The following FHIP2A variants were observed in gnomAD, a reference collection of about 807,000 sequenced individuals.
FHIP2A encodes the protein family with sequence similarity 160 member B1.
In FHIP2A, 46 loss-of-function variants were observed where a neutral mutation model predicts 93.5. The observed-to-expected ratio is 0.49, with a 90% CI of 0.39 to 0.63. The LOEUF (loss-of-function observed/expected upper bound fraction) is 0.63, where lower values mean the gene tolerates loss of function less well. Ranked by LOEUF, FHIP2A falls within the 20% of genes least tolerant of loss-of-function variation. The pLI, the probability that FHIP2A is intolerant of heterozygous loss-of-function variation, is 0.00. For synonymous variants in FHIP2A, 332 were observed against 326.5 expected (o/e 1.02, Z -0.18); for missense variants, 769 against 909.7 (o/e 0.85, Z 1.99).
chr10:114,857,205 A>C (rs2083771872), intron 14 of FHIP2A, among the ~76,000 whole-genome samples: 1 of 152,068 alleles, frequency 6.6e-6, no homozygotes, highest in African/African-American at 2.4e-5. Flanking sequence ...CACAAGTCCT[A>C]GAAAGCTAAG....
intron 14 of FHIP2A, among the ~76,000 whole-genome samples, chr10:114,859,070 T>C (rs977653477): frequency 2.0e-5 from 3 of 152,200 alleles, no homozygotes; most frequent in African/African-American, 4.8e-5. Flanking sequence ...ACTCTTAAAC[T>C]ATCCTTTACT....
At position 114,855,322 on chromosome 10, in the gene FHIP2A, G is replaced by A; in HGVS notation, c.1929G>A (p.Met643Ile). The A allele has an allele frequency of 6.2e-7, 1 of 1,613,682 alleles. No individual in the cohort carries two copies. The highest frequency in any genetic ancestry group is 8.5e-7 in the Non-Finnish European group (1 of 1,179,682). The change falls in exon 14 of 17, where the codon ATG (methionine) becomes ATA (isoleucine). Residue 643 changes from methionine to isoleucine, a missense_variant. Coordinates refer to ENST00000369248, the MANE Select transcript of FHIP2A (RefSeq NM_020940.4). ...TTTTGAAAGTGCTGTTCGACAGAAT[G>A]GGAAGAATTCTTGATCAGGTAATAC... is the stretch of plus-strand genomic sequence containing the variant. Reference protein sequence around the residue: ...GHFLKVLFDRMGRILDQPYDV... With the variant: ...GHFLKVLFDRIGRILDQPYDV...
chr10:114,844,627 C>T (rs529934708), intron 7 of FHIP2A, among the ~76,000 whole-genome samples: 1 of 152,260 alleles, frequency 6.6e-6, no homozygotes, highest in East Asian at 1.9e-4. Context: ...GTAGTCCACT[C>T]GCTATTTCTG....
In FHIP2A at chr10:114,833,359, A is replaced by G. The variant is rs756858251; in HGVS notation, c.251A>G (p.His84Arg). 3.1e-6 allele frequency: 5 copies of G among 1,614,116 alleles called. No homozygotes were observed. Among genetic ancestry groups the G allele is most frequent in the Non-Finnish European group, 4.2e-6 (5 of 1,179,992 alleles). ...ETGPCMEYLL[H>R]HKILETLYTL... ...GGGCCATGTATGGAATATTTGCTTCATCACAAGATCTTGGAAACATTATAT... is the reference window on the plus strand; with the variant it reads ...GGGCCATGTATGGAATATTTGCTTCGTCACAAGATCTTGGAAACATTATAT... Residue 84 changes from histidine to arginine, a missense_variant, in exon 3 of 17, where the codon CAT (histidine) becomes CGT (arginine). Coordinates refer to ENST00000369248, the MANE Select transcript of FHIP2A (RefSeq NM_020940.4).
At chr10:114,849,820 T>C (rs2083724229) in intron 13 of FHIP2A, among the ~76,000 whole-genome samples, 2 of 152,158 alleles carry the variant, frequency 1.3e-5, no homozygotes. Context: ...CTACTTTTTG[T>C]CTCTATGACT....
At position 114,862,947 on chromosome 10, in the gene FHIP2A, G is replaced by C. The variant is rs1318933275; in HGVS notation, c.*1407G>C. 1 of 985,300 alleles carries C rather than the reference G, an allele frequency of 1.0e-6. No individual in the cohort carries two copies. 61.0% of individuals were successfully genotyped at this position (985,300 alleles called of 1,614,324 possible). A position where few individuals can be genotyped will look rare whatever the true frequency, so the allele number is the denominator to read the frequency against. On this transcript the variant is annotated 3_prime_UTR_variant, in exon 17 of 17. Coordinates refer to ENST00000369248, the MANE Select transcript of FHIP2A (RefSeq NM_020940.4). Reference sequence around the variant, plus strand: ...ATACGCATTGTGTGGCATGTGCATAGAGGCTTGTTTTACACCTATCTGCTC... The same window carrying C: ...ATACGCATTGTGTGGCATGTGCATACAGGCTTGTTTTACACCTATCTGCTC...
chr10:114,871,203 A>G (rs12772800), intron 16 of FHIP2A, among the ~76,000 whole-genome samples: 42,148 of 151,484 alleles, frequency 0.28, 6,344 homozygotes, highest in South Asian at 0.35. Flanking sequence ...CCCAGGCTGG[A>G]GTGCAGTGGA....
intron 1 of FHIP2A, 145 bp from the exon 2 acceptor site, chr10:114,830,707 T>C: frequency 2.2e-6 from 1 of 459,040 alleles, no homozygotes; most frequent in Non-Finnish European, 3.9e-6. Context: ...TTATTTTGTT[T>C]CTCTTTAATA....
chr10:114,836,314 GTGAATAATA>G, intron 5 of FHIP2A, 68 bp downstream of exon 5: 1 of 1,222,078 alleles, frequency 8.2e-7, no homozygotes. Context: ...ATTGAATTAT[GTGAATAATA>G]TTAGAAGGAG....
intron 16 of FHIP2A, among the ~76,000 whole-genome samples, chr10:114,894,395 CAAA>C (rs3086069): frequency 0.39 from 42,006 of 108,960 alleles, 6,409 homozygotes; most frequent in Middle Eastern, 0.49. Context: ...CCCATCTCTA[CAAA>C]AAAAAAAAAA....
At chr10:114,852,884 C>T (rs1238588534) in intron 13 of FHIP2A, among the ~76,000 whole-genome samples, 1 of 152,160 alleles carries the variant, frequency 6.6e-6, no homozygotes, top group African/African-American at 2.4e-5. Flanking sequence ...TTTATTGATG[C>T]TATTCTGTTT....
At chr10:114,838,619 A>G (rs949181906) in intron 5 of FHIP2A, among the ~76,000 whole-genome samples, 1 of 152,124 alleles carries the variant, frequency 6.6e-6, no homozygotes, top group Non-Finnish European at 1.5e-5. Context: ...CTTGGAATGC[A>G]TGTATTTTTT....
rs1265885751 is a variant in FHIP2A, at chr10:114,846,040, G to A, written c.1156G>A (p.Val386Ile). 2 of 1,613,764 alleles carry A rather than the reference G, an allele frequency of 1.2e-6. No individual in the cohort carries two copies. Among genetic ancestry groups the A allele is most frequent in the Non-Finnish European group, 8.5e-7 (1 of 1,179,894 alleles). The change falls in exon 9 of 17, where the codon GTT becomes ATT. Residue 386 changes from valine (V) to isoleucine (I), a missense_variant. Physicochemically the swap from Val to Ile is conservative, Grantham distance 29 (BLOSUM62 3). Coordinates refer to ENST00000369248, the MANE Select transcript of FHIP2A (RefSeq NM_020940.4). ...TGCTGCTGTTGCTCTTGCCAAAGCT[G>A]TTCATGAAAGATTTTTCATTGGTGT... Reference protein sequence around the residue: ...KTAAVALAKAVHERFFIGVME... With the variant: ...KTAAVALAKAIHERFFIGVME...
chr10:114,851,714 CAAAAAAAAA>C (rs60649106), intron 13 of FHIP2A, among the ~76,000 whole-genome samples: 6 of 81,948 alleles, frequency 7.3e-5, no homozygotes, highest in African/African-American at 9.7e-5. Flanking sequence ...TCCATTTCTG[CAAAAAAAAA>C]AAAAAAAAAA....
At chr10:114,893,065 A>G (rs1401647339) in intron 16 of FHIP2A, among the ~76,000 whole-genome samples, 1 of 152,164 alleles carries the variant, frequency 6.6e-6, no homozygotes, top group Non-Finnish European at 1.5e-5. Flanking sequence ...GACTTGTATT[A>G]CTTTAATGAC....
At chr10:114,823,760 A>G (rs2083557621) in intron 1 of FHIP2A, among the ~76,000 whole-genome samples, 1 of 151,706 alleles carries the variant, frequency 6.6e-6, no homozygotes, top group African/African-American at 2.4e-5. Flanking sequence ...GGCCTCCCAA[A>G]GTGCTGGGAT....
chr10:114,836,012 A>T (rs1258300849), intron 4 of FHIP2A, 112 bp from the exon 5 acceptor site: 5 of 724,664 alleles, frequency 6.9e-6, no homozygotes, highest in Non-Finnish European at 1.1e-5. Context: ...TTAATGCAGG[A>T]TATTTGCATT....
intron 2 of FHIP2A, 126 bp from the exon 3 acceptor site, chr10:114,833,107 C>T: frequency 1.5e-6 from 1 of 666,630 alleles, no homozygotes; most frequent in Non-Finnish European, 2.5e-6. Flanking sequence ...GTTTATAAAC[C>T]TCACTTAAGT....
intron 13 of FHIP2A, among the ~76,000 whole-genome samples, chr10:114,850,838 T>G (rs1397497780): frequency 6.6e-6 from 1 of 152,254 alleles, no homozygotes; most frequent in East Asian, 1.9e-4. Flanking sequence ...TTCTCCCATC[T>G]GGGAGTTGCC....
Sources: gnomAD v4.1 joint callset for allele counts (sites outside exome capture counted in the v4.1 genomes callset) on GRCh38, gnomAD v4.1.1 for gene constraint, MANE v1.5 for transcripts, NCBI Gene and HGNC (gene_info 2026-07-23, HGNC 2026-07-21) for gene names.